The following ASIP variants were observed in gnomAD, a reference collection of about 807,000 sequenced individuals.
ASIP encodes agouti-signaling protein.
In ASIP, 11 loss-of-function variants were observed where a neutral mutation model predicts 10.3. The observed-to-expected ratio is 1.07, with a 90% confidence interval of 0.68 to 1.78. The LOEUF (loss-of-function observed/expected upper bound fraction) is 1.78, where lower values mean the gene tolerates loss of function less well. Among genes scored for constraint, ASIP ranks in the 40% most tolerant of loss-of-function variants. The probability of loss-of-function intolerance (pLI) is 0.00; values close to 1 mark genes in which losing one functional copy is unlikely to be tolerated. For synonymous variants in ASIP, 70 were observed against 70.8 expected, an observed-to-expected ratio of 0.99 and a Z score of 0.06; for missense variants, 180 against 169.2, an observed-to-expected ratio of 1.06 and a Z score of -0.35.
chr20:34,259,065 C>T (rs2035643267), intron 1 of ASIP, among the ~76,000 whole-genome samples: 1 of 150,554 alleles, frequency 6.6e-6, no homozygotes, highest in Admixed American at 6.7e-5. Context: ...TTTAAATTAG[C>T]CAGGTGTGTT....
At chr20:34,189,474 T>G in the ASIP span, among the ~76,000 whole-genome samples, 2 of 151,894 alleles carry the variant, frequency 1.3e-5, no homozygotes, top group African/African-American at 4.8e-5. Flanking sequence ...ACTCCCAACC[T>G]CATGTGATCC....
chr20:34,235,948 G>T (rs76719735), intron 1 of ASIP, among the ~76,000 whole-genome samples: 1,357 of 118,204 alleles, frequency 0.011, 433 homozygotes, highest in African/African-American at 0.071. Flanking sequence ...GAGGGAAGAA[G>T]GAAGGAAGGA....
intron 3 of ASIP, among the ~76,000 whole-genome samples, chr20:34,267,459 CAAAA>C (rs953440256): frequency 1.7e-4 from 8 of 46,280 alleles, no homozygotes; most frequent in African/African-American, 5.9e-4. Flanking sequence ...AACTGGCTCT[CAAAA>C]AAAAAAAAAA....
At chr20:34,231,565 CTG>C (rs2035122193) in intron 1 of ASIP, among the ~76,000 whole-genome samples, 1 of 152,162 alleles carries the variant, frequency 6.6e-6, no homozygotes, top group Non-Finnish European at 1.5e-5. Context: ...TCAAAGGACA[CTG>C]TTAAGAACAA....
chr20:34,198,386 G>A (rs899544226), intron 1 of ASIP, among the ~76,000 whole-genome samples: 10 of 151,940 alleles, frequency 6.6e-5, no homozygotes, highest in Non-Finnish European at 1.0e-4. Flanking sequence ...CACCGAGCCC[G>A]GTCATTGCTT....
intron 1 of ASIP, among the ~76,000 whole-genome samples, chr20:34,257,070 C>CTTTTTTTTTTTTTTTTTTTTTTTTT (rs56227909): frequency 1.4e-5 from 2 of 139,422 alleles, no homozygotes; most frequent in African/African-American, 2.6e-5. Context: ...CTTTCTTTCT[C>CTTTTTTTTTTTTTTTTTTTTTTTTT]TTTTTTTTTT....
At chr20:34,246,407 T>C (rs2035376490) in intron 1 of ASIP, 1 of 1,363,910 alleles carries the variant, frequency 7.3e-7, no homozygotes, top group Non-Finnish European at 1.0e-6. Context: ...ATCAGGCATA[T>C]ATTCACAGTA....
intron 1 of ASIP, chr20:34,215,388 A>T: frequency 6.4e-7 from 1 of 1,569,608 alleles, no homozygotes; most frequent in Non-Finnish European, 8.8e-7. Context: ...TTATGAGAGT[A>T]TTCCTGTGAG....
intron 1 of ASIP, among the ~76,000 whole-genome samples, chr20:34,243,217 C>A (rs562589862): frequency 2.6e-5 from 4 of 152,184 alleles, no homozygotes; most frequent in Non-Finnish European, 5.9e-5. Context: ...AGTCTTCTCT[C>A]AAGTTCTAAC....
chr20:34,212,975 T>C (rs2034984243), intron 1 of ASIP, among the ~76,000 whole-genome samples: 1 of 152,206 alleles, frequency 6.6e-6, no homozygotes, highest in African/African-American at 2.4e-5. Context: ...CAGTCAGCAC[T>C]TGACATACTA....
chr20:34,220,798 T>C (rs1056610367), intron 1 of ASIP, among the ~76,000 whole-genome samples: 3 of 151,888 alleles, frequency 2.0e-5, no homozygotes, highest in African/African-American at 7.2e-5. Flanking sequence ...TATGGTACCA[T>C]AGAAAGTCAA....
chr20:34,250,433 T>C (rs1443921009), intron 1 of ASIP, among the ~76,000 whole-genome samples: 2 of 152,224 alleles, frequency 1.3e-5, no homozygotes, highest in African/African-American at 4.8e-5. Context: ...CTTGAGTGGC[T>C]GAGGCAGGAG....
intron 1 of ASIP, among the ~76,000 whole-genome samples, chr20:34,257,155 C>T (rs2035588002): frequency 1.3e-5 from 2 of 151,154 alleles, no homozygotes; most frequent in South Asian, 4.2e-4. Context: ...ACGATCTCAG[C>T]TCACTGCAAC....
At position 34,260,476 on chromosome 20, in the gene ASIP, G is replaced by A. The variant is rs867223902; in HGVS notation, c.102G>A (p.Arg34=). Residue 34 remains arginine (R), a synonymous_variant, in exon 2 of 4, where the codon AGG becomes AGA. Transcript: ENST00000374954. The part of the protein sequence containing the change: ...LPPEEKLRDD[R]SLRSNSSVNL... ...CTGAGGAGAAGCTCCGAGATGACAG[G>A]AGCCTGAGAAGCAACTCCTCTGTGA... is the stretch of plus-strand genomic sequence containing the variant. 4.3e-6 allele frequency: 7 copies of A among 1,614,084 alleles called. No individual in the cohort carries two copies. Among genetic ancestry groups the A allele is most frequent in the Middle Eastern group, 1.7e-4 (1 of 6,060 alleles).
chr20:34,236,278 G>A (rs538910006), intron 1 of ASIP, among the ~76,000 whole-genome samples: 278 of 152,262 alleles, frequency 1.8e-3, no homozygotes, highest in African/African-American at 6.5e-3. Flanking sequence ...AGTGGCTCAC[G>A]CCTATAATCC....
chr20:34,216,796 T>C (rs2035011971), intron 1 of ASIP, among the ~76,000 whole-genome samples: 1 of 152,246 alleles, frequency 6.6e-6, no homozygotes, highest in South Asian at 2.1e-4. Context: ...CTACTCTAGC[T>C]TTGTGGCAAA....
At chr20:34,239,209 TCTC>T (rs1339480929), upstream of ASIP, among the ~76,000 whole-genome samples, 1 of 151,776 alleles carries the variant, frequency 6.6e-6, no homozygotes, top group Admixed American at 6.6e-5. Flanking sequence ...ATGTTCCTCT[TCTC>T]CTCCCAACCC....
chr20:34,234,197 A>G (rs1159647272), intron 1 of ASIP, among the ~76,000 whole-genome samples: 2 of 152,200 alleles, frequency 1.3e-5, no homozygotes. Context: ...GCACACCACA[A>G]CAGTGATCCA....
At chr20:34,236,588 C>A (rs138212482), upstream of ASIP, among the ~76,000 whole-genome samples, 1 of 151,952 alleles carries the variant, frequency 6.6e-6, no homozygotes, top group Non-Finnish European at 1.5e-5. Context: ...CAGTGGCTCA[C>A]GCCTGTAATC....
Sources: allele counts gnomAD v4.1 joint callset (sites outside exome capture counted in the v4.1 genomes callset), GRCh38; gene constraint gnomAD v4.1.1; transcripts MANE v1.5; gene names NCBI Gene and HGNC (gene_info 2026-07-23, HGNC 2026-07-21).